The following ACYP2 variants were observed in gnomAD, a reference collection of about 807,000 sequenced individuals.
The protein encoded by ACYP2 is acylphosphatase 2.
In ACYP2, 12 loss-of-function variants were observed where a neutral mutation model predicts 11.2. The observed-to-expected ratio is 1.08, with a 90% CI of 0.69 to 1.74. ACYP2 has a LOEUF of 1.74. ACYP2 is among the 40% of genes most tolerant of loss of function. The pLI is 0.00. For missense variants in ACYP2, 134 were observed against 101.9 expected, an observed-to-expected ratio of 1.31 and a Z score of -1.35; for synonymous variants, 43 against 32.2, an observed-to-expected ratio of 1.33 and a Z score of -1.13.
At chr2:54,133,530 T>A (rs1361362787) in intron 4 of ACYP2, among the ~76,000 whole-genome samples, 2 of 152,354 alleles carry the variant, frequency 1.3e-5, no homozygotes, top group East Asian at 3.9e-4. Flanking sequence ...TAATAAGCTC[T>A]GAATTTCTGC....
At chr2:54,294,840 C>T (rs1162050315) in intron 6 of ACYP2, among the ~76,000 whole-genome samples, 1 of 151,574 alleles carries the variant, frequency 6.6e-6, no homozygotes, top group Non-Finnish European at 1.5e-5. Flanking sequence ...CCCCTGAGCC[C>T]AGGAGGTTGA....
At chr2:54,218,426 A>G (rs1316805782) in intron 6 of ACYP2, among the ~76,000 whole-genome samples, 1 of 152,220 alleles carries the variant, frequency 6.6e-6, no homozygotes, top group East Asian at 1.9e-4. Flanking sequence ...CTTGTATTCA[A>G]TTGACAGCTT....
intron 6 of ACYP2, among the ~76,000 whole-genome samples, chr2:54,270,583 G>C (rs967610471): frequency 6.6e-6 from 1 of 151,610 alleles, no homozygotes; most frequent in South Asian, 2.1e-4. Flanking sequence ...CTCCAGCCTG[G>C]GTGACAAAGC....
chr2:54,083,987 A>G (rs1677808392), intron 4 of ACYP2, among the ~76,000 whole-genome samples: 1 of 152,200 alleles, frequency 6.6e-6, no homozygotes, highest in Non-Finnish European at 1.5e-5. Flanking sequence ...CCAAATTATA[A>G]ATTTTGAAAA....
intron 2 of ACYP2, among the ~76,000 whole-genome samples, chr2:53,999,008 TTAGTGAGAACTTGTCACATGG>T: frequency 6.6e-6 from 1 of 152,164 alleles, no homozygotes. Context: ...GCAAGTTTCA[TTAGTGAGAACTTGTCACATGG>T]CCATGCTTAA....
At chr2:54,183,151 T>C (rs985075405) in intron 6 of ACYP2, among the ~76,000 whole-genome samples, 1 of 152,212 alleles carries the variant, frequency 6.6e-6, no homozygotes, top group Non-Finnish European at 1.5e-5. Flanking sequence ...TCATGACTTA[T>C]AAATCAAACA....
chr2:54,216,691 C>G (rs1053020744), intron 6 of ACYP2, among the ~76,000 whole-genome samples: 1 of 152,118 alleles, frequency 6.6e-6, no homozygotes, highest in Admixed American at 6.6e-5. Flanking sequence ...ACACACACCA[C>G]CACACCTGGC....
At chr2:54,290,179 C>A (rs1039969554) in intron 6 of ACYP2, among the ~76,000 whole-genome samples, 2 of 151,998 alleles carry the variant, frequency 1.3e-5, no homozygotes, top group African/African-American at 2.4e-5. Context: ...GCCCGGCTGC[C>A]GCCGCCCCGC....
intron 4 of ACYP2, among the ~76,000 whole-genome samples, chr2:54,064,531 TA>T (rs1168138737): frequency 6.6e-6 from 1 of 152,234 alleles, no homozygotes; most frequent in Non-Finnish European, 1.5e-5. Flanking sequence ...AATATCTTTT[TA>T]ATACATTTCT....
intron 2 of ACYP2, among the ~76,000 whole-genome samples, chr2:54,046,482 TAAAAA>T (rs34695884): frequency 4.5e-5 from 4 of 88,798 alleles, no homozygotes; most frequent in African/African-American, 1.6e-4. Context: ...CAAGACTGTC[TAAAAA>T]AAAAAAAAAA....
chr2:54,267,065 T>C (rs1035744915), intron 6 of ACYP2, among the ~76,000 whole-genome samples: 7 of 152,172 alleles, frequency 4.6e-5, no homozygotes, highest in Non-Finnish European at 2.9e-5. Flanking sequence ...GTAATTCTTA[T>C]CTCTTGTGGT....
chr2:54,189,480 C>T (rs1388447302), intron 6 of ACYP2, among the ~76,000 whole-genome samples: 1 of 152,178 alleles, frequency 6.6e-6, no homozygotes, highest in Non-Finnish European at 1.5e-5. Context: ...CATGTTGTGG[C>T]AAATGGCAGG....
intron 6 of ACYP2, among the ~76,000 whole-genome samples, chr2:54,147,523 T>G (rs1177756789): frequency 6.6e-6 from 1 of 151,868 alleles, no homozygotes; most frequent in Non-Finnish European, 1.5e-5. Context: ...CCACTTGCTT[T>G]CCTTCTTTCT....
chr2:54,158,257 G>A (rs1179823195), intron 6 of ACYP2, among the ~76,000 whole-genome samples: 2 of 150,860 alleles, frequency 1.3e-5, no homozygotes, highest in African/African-American at 4.9e-5. Context: ...GGCCAGCCTG[G>A]TCACGAATTC....
chr2:54,044,202 T>G (rs1424503175), intron 2 of ACYP2, among the ~76,000 whole-genome samples: 2 of 152,196 alleles, frequency 1.3e-5, no homozygotes, highest in Non-Finnish European at 2.9e-5. Context: ...ACTCCCTTTG[T>G]TCTCAGGATA....
intron 4 of ACYP2, among the ~76,000 whole-genome samples, chr2:54,131,306 A>G (rs1250581859): frequency 1.3e-5 from 2 of 152,176 alleles, no homozygotes; most frequent in African/African-American, 4.8e-5. Context: ...CCACTTTAAA[A>G]ATTTTCTCAA....
At chr2:54,169,562 A>T (rs1475036942) in intron 6 of ACYP2, among the ~76,000 whole-genome samples, 1 of 152,094 alleles carries the variant, frequency 6.6e-6, no homozygotes, top group East Asian at 1.9e-4. Context: ...GGCATGATCC[A>T]CTTCACCTGG....
intron 2 of ACYP2, among the ~76,000 whole-genome samples, chr2:54,010,432 T>C (rs1350268868): frequency 1.3e-5 from 2 of 151,692 alleles, no homozygotes; most frequent in African/African-American, 2.4e-5. Flanking sequence ...TGCAGTGAGC[T>C]GAGTTTGTGC....
intron 6 of ACYP2, among the ~76,000 whole-genome samples, chr2:54,213,841 C>T (rs1052374032): frequency 6.6e-6 from 1 of 151,930 alleles, no homozygotes. Context: ...GAACGCTGCT[C>T]ACTATAGCCT....
Sources: allele counts gnomAD v4.1 joint callset (sites outside exome capture counted in the v4.1 genomes callset), GRCh38; gene constraint gnomAD v4.1.1; transcripts MANE v1.5; gene names NCBI Gene and HGNC (gene_info 2026-07-23, HGNC 2026-07-21).